POC1B: variants seen among roughly 807,000 people sequenced by gnomAD.
POC1B encodes POC1 centriolar protein homolog B.
Under a neutral mutation model 60.6 loss-of-function variants are expected in POC1B, and 44 were observed. The ratio of observed to expected loss-of-function variants is 0.73; its 90% CI spans 0.57 to 0.93. The LOEUF (loss-of-function observed/expected upper bound fraction) is 0.93. Ranked by LOEUF, POC1B falls within the 40% of genes least tolerant of loss-of-function variation. POC1B has a pLI of 0.00. For missense variants in POC1B, 555 were observed against 572.3 expected (o/e 0.97, Z 0.31); for synonymous variants, 180 against 198.9 (o/e 0.90, Z 0.80).
intron 7 of POC1B, among the ~76,000 whole-genome samples, 188 bp from the exon 8 acceptor site, chr12:89,467,873 T>C (rs1173126551): frequency 6.6e-6 from 1 of 152,110 alleles, no homozygotes; most frequent in Non-Finnish European, 1.5e-5. Flanking sequence ...AACCCAATCA[T>C]ATTAAAACAC....
At chr12:89,512,665 C>T (rs900238332) in intron 2 of POC1B, among the ~76,000 whole-genome samples, 5 of 152,274 alleles carry the variant, frequency 3.3e-5, no homozygotes, top group Middle Eastern at 3.4e-3. Context: ...CTGAGGGAGG[C>T]GGGCGGCTGG....
At chr12:89,470,784 C>T (rs1179688926) in intron 6 of POC1B, among the ~76,000 whole-genome samples, 1 of 152,156 alleles carries the variant, frequency 6.6e-6, no homozygotes, top group East Asian at 1.9e-4. Flanking sequence ...TTAATCATCA[C>T]CAGCTCAGAT....
chr12:89,501,594 G>A, intron 2 of POC1B: 1 of 1,377,736 alleles, frequency 7.3e-7, no homozygotes, highest in South Asian at 1.3e-5. Context: ...AATCTAAAAA[G>A]AAGCGCTTTT....
intron 10 of POC1B, among the ~76,000 whole-genome samples, chr12:89,442,049 T>C (rs889945894): frequency 2.0e-5 from 3 of 151,926 alleles, no homozygotes; most frequent in African/African-American, 7.3e-5. Flanking sequence ...GCGAGAAGTT[T>C]AGAGAAAAAA....
intron 2 of POC1B, chr12:89,522,200 T>C (rs756909563): frequency 2.3e-5 from 9 of 398,568 alleles, no homozygotes; most frequent in Non-Finnish European, 3.5e-5. Flanking sequence ...TATGGGTATG[T>C]CTGCATGTTA....
At chr12:89,412,829 TC>T in the POC1B span, among the ~76,000 whole-genome samples, 4 of 120,674 alleles carry the variant, frequency 3.3e-5, no homozygotes, top group African/African-American at 1.6e-4. Flanking sequence ...CTTCCTTCCT[TC>T]CTTCCTTCCT....
chr12:89,411,779 AG>A, the POC1B span, among the ~76,000 whole-genome samples: 1 of 152,224 alleles, frequency 6.6e-6, no homozygotes, highest in Non-Finnish European at 1.5e-5. Context: ...GCGGTGAAGA[AG>A]GGGGATTTAA....
At chr12:89,480,142 G>A (rs1024786971) in intron 4 of POC1B, among the ~76,000 whole-genome samples, 2 of 143,964 alleles carry the variant, frequency 1.4e-5, no homozygotes, top group African/African-American at 2.6e-5. Flanking sequence ...TTCTTCTTTC[G>A]TTTTTTTTTT....
At chr12:89,411,165 G>A in the POC1B span, among the ~76,000 whole-genome samples, 3 of 152,306 alleles carry the variant, frequency 2.0e-5, no homozygotes, top group Middle Eastern at 3.4e-3. Context: ...TGGATAGGAA[G>A]AATTAATATC....
At chr12:89,518,496 TC>T (rs1266662214) in intron 2 of POC1B, among the ~76,000 whole-genome samples, 1 of 152,216 alleles carries the variant, frequency 6.6e-6, no homozygotes, top group Admixed American at 6.5e-5. Context: ...CTGCTTTTTT[TC>T]CTGAGGTATT....
chr12:89,453,584 T>A (rs1306722385), intron 10 of POC1B, among the ~76,000 whole-genome samples: 1 of 152,212 alleles, frequency 6.6e-6, no homozygotes, highest in African/African-American at 2.4e-5. Context: ...TGCCCTAAAC[T>A]GACAAATCAA....
intron 10 of POC1B, among the ~76,000 whole-genome samples, chr12:89,455,677 A>G (rs1005366240): frequency 6.6e-6 from 1 of 152,216 alleles, no homozygotes; most frequent in African/African-American, 2.4e-5. Flanking sequence ...TTTCTATAAC[A>G]TAACTGCATG....
chr12:89,458,072 T>C (rs539788038), intron 10 of POC1B, among the ~76,000 whole-genome samples: 10 of 152,132 alleles, frequency 6.6e-5, no homozygotes, highest in Non-Finnish European at 1.2e-4. Context: ...ACTTGAAGGG[T>C]ACTGGGAGAG....
At chr12:89,499,458 C>G (rs918582136) in intron 2 of POC1B, among the ~76,000 whole-genome samples, 2 of 151,980 alleles carry the variant, frequency 1.3e-5, no homozygotes, top group Non-Finnish European at 2.9e-5. Context: ...ATGGAGTAAA[C>G]CCATGTAACA....
intron 4 of POC1B, among the ~76,000 whole-genome samples, chr12:89,480,569 C>T (rs1193451914): frequency 1.0e-4 from 15 of 145,546 alleles, no homozygotes; most frequent in Non-Finnish European, 1.7e-4. Flanking sequence ...TACATGTGTG[C>T]GCCACCATGC....
At chr12:89,504,553 A>G (rs1869801086) in intron 2 of POC1B, among the ~76,000 whole-genome samples, 5 of 151,864 alleles carry the variant, frequency 3.3e-5, no homozygotes, top group Admixed American at 3.3e-4. Flanking sequence ...CTATTGTCCT[A>G]TGACCCTGCC....
chr12:89,525,041 C>A lies in POC1B; in HGVS notation c.100+79G>T, dbSNP rs966618566. Reference sequence around the variant, plus strand: ...AGGCCCTTAGCCGTTCTCCTAGGGACCCTGCCCGGACAGGAGGAAAGGTTT... The same window carrying A: ...AGGCCCTTAGCCGTTCTCCTAGGGAACCTGCCCGGACAGGAGGAAAGGTTT... On this transcript the variant is annotated intron_variant, in intron 2 of 11. Coordinates refer to ENST00000313546, the MANE Select transcript of POC1B (RefSeq NM_172240.3). 3.8e-6 allele frequency: 6 copies of A among 1,586,836 alleles called. No individual in the cohort carries two copies. The African/African-American group carries it at 8.1e-5, about 21-fold the overall frequency.
Position 89,499,660 on chromosome 12 carries a change from T to C in POC1B, c.101-2318A>G, listed in dbSNP as rs1869446413. Among the ~76,000 whole-genome samples, 4 of 152,180 alleles carry C rather than the reference T, an allele frequency of 2.6e-5. No individual in the cohort carries two copies. The South Asian group carries it at 8.3e-4, about 32-fold the overall frequency. On this transcript the variant is annotated intron_variant, in intron 2 of 11. Transcript: ENST00000313546. ...GTTCTCAAAGGAGGGTACTAAATTA[T>C]GGAAAGAAATAAAAAATAAAACAAT...
At chr12:89,502,199 A>G (rs1869607389) in intron 2 of POC1B, 3 of 1,154,270 alleles carry the variant, frequency 2.6e-6, no homozygotes, top group Admixed American at 3.8e-5. Flanking sequence ...TCTGGAAAGA[A>G]TAATAATGAT....
Sources: allele counts gnomAD v4.1 joint callset (sites outside exome capture counted in the v4.1 genomes callset), GRCh38; gene constraint gnomAD v4.1.1; transcripts MANE v1.5; gene names NCBI Gene and HGNC (gene_info 2026-07-23, HGNC 2026-07-21).